The following GPC5 variants were observed in gnomAD, a reference collection of about 807,000 sequenced individuals.
GPC5 encodes glypican-5.
GPC5 carries 47 observed loss-of-function variants against 53.9 expected under a neutral mutation model. The observed-to-expected ratio is 0.87, with a 90% CI of 0.69 to 1.11. The LOEUF is 1.11. Ranked by LOEUF, GPC5 falls within the 50% of genes most tolerant of loss-of-function variation. GPC5 has a pLI of 0.00. For synonymous variants in GPC5, 286 were observed against 263.3 expected (o/e 1.09, Z -0.84); for missense variants, 748 against 713.1 (o/e 1.05, Z -0.56).
chr13:91,836,048 T>C (rs1486706425), intron 5 of GPC5, among the ~76,000 whole-genome samples: 1 of 151,978 alleles, frequency 6.6e-6, no homozygotes, highest in Non-Finnish European at 1.5e-5. Flanking sequence ...TAAAAATAAA[T>C]GCATTTAATG....
intron 7 of GPC5, among the ~76,000 whole-genome samples, chr13:92,430,148 T>C (rs1050898761): frequency 7.2e-5 from 11 of 152,098 alleles, no homozygotes; most frequent in African/African-American, 2.7e-4. Flanking sequence ...AAAAAGTGCT[T>C]ATATAGCTCC....
intron 6 of GPC5, among the ~76,000 whole-genome samples, chr13:92,091,110 T>C (rs2041377003): frequency 6.6e-6 from 1 of 152,194 alleles, no homozygotes; most frequent in African/African-American, 2.4e-5. Context: ...CAGCAGTCTC[T>C]GGTATTCTGT....
chr13:91,876,203 G>A (rs746249226), intron 5 of GPC5, among the ~76,000 whole-genome samples: 10 of 152,196 alleles, frequency 6.6e-5, no homozygotes, highest in African/African-American at 1.4e-4. Flanking sequence ...TATCAGCAGC[G>A]TGAAAACAGA....
chr13:92,410,014 GT>G (rs1380455929), intron 7 of GPC5, among the ~76,000 whole-genome samples: 1 of 152,092 alleles, frequency 6.6e-6, no homozygotes, highest in Non-Finnish European at 1.5e-5. Context: ...ATGAAGAGTG[GT>G]TTTCCCAGTT....
At chr13:92,826,572 C>A (rs1237714818) in intron 7 of GPC5, among the ~76,000 whole-genome samples, 1 of 152,010 alleles carries the variant, frequency 6.6e-6, no homozygotes, top group Non-Finnish European at 1.5e-5. Flanking sequence ...TGTTCCATGA[C>A]AATAGAAAAT....
chr13:91,882,526 A>C, intron 5 of GPC5, among the ~76,000 whole-genome samples: 1 of 151,674 alleles, frequency 6.6e-6, no homozygotes, highest in East Asian at 1.9e-4. Flanking sequence ...ATAGTCTTTG[A>C]TTTTTACTTT....
intron 7 of GPC5, among the ~76,000 whole-genome samples, chr13:92,159,124 C>A (rs561233667): frequency 2.0e-5 from 3 of 152,302 alleles, no homozygotes; most frequent in South Asian, 4.1e-4. Context: ...ATTGTGCTTA[C>A]GTAAACTACA....
intron 1 of GPC5, among the ~76,000 whole-genome samples, chr13:91,418,309 C>T (rs569338115): frequency 6.0e-4 from 92 of 152,172 alleles, no homozygotes; most frequent in African/African-American, 2.1e-3. Context: ...TCAGAGTCCA[C>T]AAAGATGTCA....
chr13:92,103,098 G>A (rs1289322185), intron 6 of GPC5, among the ~76,000 whole-genome samples: 1 of 152,038 alleles, frequency 6.6e-6, no homozygotes, highest in Non-Finnish European at 1.5e-5. Context: ...CTGGGCTCAA[G>A]TGATCCTCTT....
chr13:91,745,184 TTGA>T (rs759405909), intron 4 of GPC5, among the ~76,000 whole-genome samples: 90 of 152,216 alleles, frequency 5.9e-4, no homozygotes, highest in Admixed American at 2.0e-3. Context: ...AGAACTAATT[TTGA>T]AAACCCAGTT....
At chr13:91,734,328 T>C (rs2036768065) in intron 4 of GPC5, among the ~76,000 whole-genome samples, 1 of 151,410 alleles carries the variant, frequency 6.6e-6, no homozygotes, top group African/African-American at 2.5e-5. Context: ...TTGGGGACTC[T>C]TTATGGGGAT....
chr13:91,658,009 GT>G (rs1221819019), intron 2 of GPC5, among the ~76,000 whole-genome samples: 1 of 152,080 alleles, frequency 6.6e-6, no homozygotes, highest in African/African-American at 2.4e-5. Flanking sequence ...ATGTTTTTAT[GT>G]TTTAGAAAGC....
At chr13:91,929,977 A>G (rs780108271) in intron 6 of GPC5, among the ~76,000 whole-genome samples, 3 of 152,100 alleles carry the variant, frequency 2.0e-5, no homozygotes, top group Non-Finnish European at 2.9e-5. Flanking sequence ...TGTAAGAACA[A>G]TTCCCAAATG....
chr13:92,203,322 T>C (rs2042308180), intron 7 of GPC5, among the ~76,000 whole-genome samples: 3 of 148,836 alleles, frequency 2.0e-5, no homozygotes, highest in South Asian at 4.3e-4. Context: ...AAATGATGAG[T>C]TCATATCCTT....
At chr13:92,203,797 C>T (rs1411505051) in intron 7 of GPC5, among the ~76,000 whole-genome samples, 5 of 147,250 alleles carry the variant, frequency 3.4e-5, no homozygotes, top group South Asian at 4.3e-4. Flanking sequence ...CTCGATGACT[C>T]GCAGGCAGAA....
At chr13:92,719,170 C>CCCA (rs1888429381) in intron 7 of GPC5, among the ~76,000 whole-genome samples, 2 of 149,438 alleles carry the variant, frequency 1.3e-5, no homozygotes, top group South Asian at 4.4e-4. Context: ...TCCTATAGCC[C>CCCA]CCCCCCACAT....
chr13:92,353,266 C>CAAAAAAAAAAAAAA (rs563794696), intron 7 of GPC5, among the ~76,000 whole-genome samples: 12 of 66,846 alleles, frequency 1.8e-4, no homozygotes, highest in African/African-American at 3.6e-4. Flanking sequence ...GACTCCGTCT[C>CAAAAAAAAAAAAAA]AAAAAAAAAA....
At chr13:92,863,224 G>T (rs536063065) in intron 7 of GPC5, among the ~76,000 whole-genome samples, 1 of 152,284 alleles carries the variant, frequency 6.6e-6, no homozygotes, top group African/African-American at 2.4e-5. Context: ...CAGGTGATCA[G>T]AGCACAGACT....
intron 7 of GPC5, among the ~76,000 whole-genome samples, chr13:92,556,361 G>A (rs1483632002): frequency 6.6e-6 from 1 of 151,600 alleles, no homozygotes; most frequent in Non-Finnish European, 1.5e-5. Flanking sequence ...GAATAGTCTG[G>A]ACTTTCAAAA....
Sources: gnomAD v4.1 joint callset for allele counts (sites outside exome capture counted in the v4.1 genomes callset) on GRCh38, gnomAD v4.1.1 for gene constraint, MANE v1.5 for transcripts, NCBI Gene and HGNC (gene_info 2026-07-23, HGNC 2026-07-21) for gene names.